The following GGT5 variants were observed in gnomAD, a reference collection of about 807,000 sequenced individuals.
GGT5 encodes the protein gamma-glutamyltransferase 5.
GGT5 carries 50 observed loss-of-function variants against 58.1 expected under a neutral mutation model. The ratio of observed to expected loss-of-function variants is 0.86; its 90% CI spans 0.69 to 1.09. The LOEUF is 1.09. GGT5 is among the 50% of genes least tolerant of loss of function. The pLI, the probability that GGT5 is intolerant of heterozygous loss-of-function variation, is 0.00. For synonymous variants in GGT5, 370 were observed against 346.1 expected (o/e 1.07, Z -0.77); for missense variants, 800 against 789.4 (o/e 1.01, Z -0.16).
At chr22:24,240,683 T>C (rs2048303864) in intron 1 of GGT5, among the ~76,000 whole-genome samples, 1 of 152,082 alleles carries the variant, frequency 6.6e-6, no homozygotes, top group Non-Finnish European at 1.5e-5. Flanking sequence ...TTTGTACTTT[T>C]TGTCTCACCA....
At chr22:24,222,246 C>T (rs1438950108) in intron 11 of GGT5, among the ~76,000 whole-genome samples, 2 of 152,132 alleles carry the variant, frequency 1.3e-5, no homozygotes, top group Non-Finnish European at 2.9e-5. Context: ...GAACCTCACC[C>T]TGCAGGGCCT....
At chr22:24,238,745 T>G (rs2048175176) in intron 1 of GGT5, among the ~76,000 whole-genome samples, 1 of 81,252 alleles carries the variant, frequency 1.2e-5, no homozygotes. Flanking sequence ...TATATATGTG[T>G]GTGTATATAT....
chr22:24,225,120 G>T lies in GGT5; in HGVS notation c.1504-14C>A. ...GCTCATGATGGCCTGGGGGAGAGAT[G>T]AGGGTTTCAGGGAGAAAGGGGGCAC... On this transcript the variant is annotated splice_polypyrimidine_tract_variant and intron_variant, in intron 10 of 11. Transcript: ENST00000327365. 2 of 1,596,616 alleles carry T rather than the reference G, an allele frequency of 1.3e-6. No individual in the cohort carries two copies. Among genetic ancestry groups the T allele is most frequent in the Middle Eastern group, 3.3e-4 (2 of 6,038 alleles).
At chr22:24,237,726 A>T (rs1049719449) in intron 1 of GGT5, among the ~76,000 whole-genome samples, 1 of 151,910 alleles carries the variant, frequency 6.6e-6, no homozygotes, top group African/African-American at 2.4e-5. Flanking sequence ...TTTTATACAT[A>T]CTCTCCAGTG....
intron 1 of GGT5, among the ~76,000 whole-genome samples, chr22:24,237,912 T>C (rs2048145794): frequency 6.6e-6 from 1 of 152,142 alleles, no homozygotes; most frequent in Non-Finnish European, 1.5e-5. Context: ...GAAATAAGAA[T>C]TTTATCAAAG....
Position 24,232,960 on chromosome 22 carries a change from G to A in GGT5, c.459C>T (p.Arg153=), listed in dbSNP as rs762276. Residue 153 remains arginine (R), a synonymous_variant, in exon 4 of 12, where the codon CGC becomes CGT. Transcript: ENST00000327365. ...ELRGYAEAHR[R]HGRLPWAQLF... ...GCTGCGCCCAGGGCAGGCGGCCATG[G>A]CGGCGGTGGGCCTCGGCATAGCCAC... The A allele has an allele frequency of 0.13, 202,735 of 1,563,624 alleles. 14,107 individuals are homozygous for A. Among genetic ancestry groups the A allele is most frequent in the Admixed American group, 0.24 (12,684 of 53,242 alleles).
chr22:24,225,828 C>T (rs1228400519), intron 8 of GGT5, among the ~76,000 whole-genome samples, 176 bp from the exon 9 acceptor site: 1 of 152,140 alleles, frequency 6.6e-6, no homozygotes, highest in African/African-American at 2.4e-5. Context: ...ACCTGTGCCC[C>T]CACATCAGGG....
intron 4 of GGT5, among the ~76,000 whole-genome samples, chr22:24,232,605 C>G (rs1275974089): frequency 1.3e-5 from 2 of 152,068 alleles, no homozygotes; most frequent in East Asian, 3.9e-4. Flanking sequence ...ACCTTGGAGT[C>G]CTATCACTTG....
chr22:24,219,988 C>T lies in GGT5; in HGVS notation c.1743G>A (p.Gly581=). The T allele has an allele frequency of 6.2e-7, 1 of 1,614,102 alleles. No individual in the cohort carries two copies. The highest frequency in any genetic ancestry group is 1.1e-5 in the South Asian group (1 of 91,082). ...VYAVSDLRKS[G]EAAGY ...CAGTGTCTTAGTAGCCTGCGGCCTC[C>T]CCACTCTTCCTCAGGTCCGAGACGG... Residue 581 remains glycine (G), a synonymous_variant, in exon 12 of 12, where the codon GGG becomes GGA. Transcript: ENST00000327365.
intron 11 of GGT5, among the ~76,000 whole-genome samples, chr22:24,222,854 G>A (rs1442655599): frequency 6.6e-6 from 1 of 152,132 alleles, no homozygotes; most frequent in Non-Finnish European, 1.5e-5. Context: ...AAGGCGGGCG[G>A]ATCACAAGGT....
At chr22:24,221,906 G>A (rs568223730) in intron 11 of GGT5, among the ~76,000 whole-genome samples, 4 of 151,954 alleles carry the variant, frequency 2.6e-5, no homozygotes, top group Admixed American at 6.6e-5. Context: ...CTAGCCAGGC[G>A]CGGTGGTCAT....
At chr22:24,244,460 A>G in intron 1 of GGT5, 93 bp downstream of exon 1, 1 of 1,086,442 alleles carries the variant, frequency 9.2e-7, no homozygotes, top group Admixed American at 1.9e-5. Flanking sequence ...ACACCCACAC[A>G]TACATTCACT....
chr22:24,219,710 T>C lies in GGT5; in HGVS notation c.*260A>G. 1 of 499,784 alleles carries C rather than the reference T, an allele frequency of 2.0e-6. No individual in the cohort carries two copies. Among genetic ancestry groups the C allele is most frequent in the Non-Finnish European group, 3.6e-6 (1 of 276,050 alleles). The allele number at this position is 499,784 out of a possible 1,614,324, so 31.0% of individuals were successfully genotyped here. On this transcript the variant is annotated 3_prime_UTR_variant, in exon 12 of 12. Transcript: ENST00000327365. The stretch of plus-strand genomic sequence containing the variant: ...CTGGAGGATATACAGATCGAGAGGG[T>C]GGGAGAGTGGCCCCAGGCAAGAGGC...
At chr22:24,230,133 C>T (rs1184351628) in intron 6 of GGT5, among the ~76,000 whole-genome samples, 5 of 151,346 alleles carry the variant, frequency 3.3e-5, no homozygotes, top group African/African-American at 9.7e-5. Context: ...TTTGGGATGC[C>T]GAGGTGGGCG....
chr22:24,244,806 A>C lies in GGT5; in HGVS notation c.-81T>G. 2 of 1,496,446 alleles carry C rather than the reference A, an allele frequency of 1.3e-6. No homozygotes were observed. Among genetic ancestry groups the C allele is most frequent in the Non-Finnish European group, 1.8e-6 (2 of 1,120,826 alleles). 92.7% of individuals were successfully genotyped at this position (1,496,446 alleles called of 1,614,324 possible). A position where few individuals can be genotyped will look rare whatever the true frequency, so the allele number is the denominator to read the frequency against. On this transcript the variant is annotated 5_prime_UTR_variant, in exon 1 of 12. Transcript: ENST00000327365. ...GGTGGGCAGATGAATGGACAAGAAG[A>C]TGCACAGAGTCACAGGTAATTGGAC...
In GGT5 at chr22:24,219,682, G is replaced by A; in HGVS notation, c.*288C>T. On this transcript the variant is annotated 3_prime_UTR_variant, in exon 12 of 12. Transcript: ENST00000327365. ...GGCCACAGTCCGCCTCTTTAATCTT[G>A]GACTGGAGGATATACAGATCGAGAG... 2.6e-6 allele frequency: 1 copy of A among 383,426 alleles called. No homozygotes were observed. 23.8% of individuals were successfully genotyped at this position (383,426 alleles called of 1,614,324 possible). A position where few individuals can be genotyped will look rare whatever the true frequency, so the allele number is the denominator to read the frequency against.
rs561986585 is a variant in GGT5 at position 24,237,266 on chromosome 22, G to T, written c.174-3262C>A. 2.6e-5 allele frequency among the ~76,000 whole-genome samples: 4 copies of T among 152,132 alleles called. 1 individual carries two copies. In the South Asian group the frequency reaches 8.3e-4, roughly 32 times the overall value. On this transcript the variant is annotated intron_variant, in intron 1 of 11. Coordinates refer to ENST00000327365, the MANE Select transcript of GGT5 (RefSeq NM_004121.5). Reference sequence around the variant, plus strand: ...GATGCCATAATGCCCCACACGTGGGGTGCAGGTTTCTTACTCTAGGAGTCA... The same window carrying T: ...GATGCCATAATGCCCCACACGTGGGTTGCAGGTTTCTTACTCTAGGAGTCA...
chr22:24,225,218 C>T, intron 10 of GGT5, 27 bp downstream of exon 10: 1 of 1,609,298 alleles, frequency 6.2e-7, no homozygotes, highest in Non-Finnish European at 8.5e-7. Context: ...AGAGAGGAGA[C>T]ACTCGAGCCA....
intron 6 of GGT5, among the ~76,000 whole-genome samples, chr22:24,231,026 T>C (rs1056057440): frequency 2.6e-5 from 4 of 152,148 alleles, no homozygotes; most frequent in African/African-American, 9.7e-5. Context: ...CAGGCTGCCT[T>C]GGGCTAGGCT....
Sources: allele counts gnomAD v4.1 joint callset (sites outside exome capture counted in the v4.1 genomes callset), GRCh38; gene constraint gnomAD v4.1.1; transcripts MANE v1.5; gene names NCBI Gene and HGNC (gene_info 2026-07-23, HGNC 2026-07-21).